Variants in AGBL4 observed in about 807,000 individuals in gnomAD.
AGBL4 encodes the protein AGBL carboxypeptidase 4, also known as cytosolic carboxypeptidase 6.
Under a neutral mutation model 66.4 loss-of-function variants are expected in AGBL4, and 58 were observed. That is an observed-to-expected ratio of 0.87 (90% confidence interval 0.71 to 1.09). AGBL4 has a LOEUF of 1.09. AGBL4 is among the 50% of genes least tolerant of loss of function. The pLI is 0.00. For synonymous variants in AGBL4, 234 were observed against 222.9 expected, an observed-to-expected ratio of 1.05 and a Z score of -0.44; for missense variants, 579 against 631.0, an observed-to-expected ratio of 0.92 and a Z score of 0.88.
chr1:48,842,755 G>A (rs1646833032), intron 6 of AGBL4, among the ~76,000 whole-genome samples: 1 of 152,064 alleles, frequency 6.6e-6, no homozygotes, highest in African/African-American at 2.4e-5. Context: ...ATAATCAAGG[G>A]TAGAAACAAC....
chr1:48,563,151 A>AT (rs2148301004), intron 11 of AGBL4, among the ~76,000 whole-genome samples: 1 of 152,340 alleles, frequency 6.6e-6, no homozygotes, highest in South Asian at 2.1e-4. Context: ...TGCCAAGTTC[A>AT]TTAATAATTT....
At chr1:49,192,628 T>C (rs570995015) in intron 4 of AGBL4, among the ~76,000 whole-genome samples, 1 of 152,350 alleles carries the variant, frequency 6.6e-6, no homozygotes, top group East Asian at 1.9e-4. Flanking sequence ...ACATGTTGGC[T>C]TGTATGTCTT....
At chr1:49,536,152 C>T (rs922389290) in intron 3 of AGBL4, among the ~76,000 whole-genome samples, 2 of 152,006 alleles carry the variant, frequency 1.3e-5, no homozygotes, top group African/African-American at 4.8e-5. Context: ...GTTCCTTAAG[C>T]TATAGGACAA....
At chr1:48,842,157 A>G (rs1177444602) in intron 6 of AGBL4, among the ~76,000 whole-genome samples, 1 of 152,080 alleles carries the variant, frequency 6.6e-6, no homozygotes, top group African/African-American at 2.4e-5. Context: ...CAAGGTTTCA[A>G]TTTCCTTGCT....
chr1:48,945,496 A>G lies in AGBL4; in HGVS notation c.595-78266T>C, dbSNP rs369899323. On this transcript the variant is annotated intron_variant, in intron 5 of 13. Transcript: ENST00000371839. ...CAGACCCCTTCATTAGACCTAAAGC[A>G]TGCTATGGAACTTCTTCGGGCCTTA... Among the ~76,000 whole-genome samples, 3 of 152,184 alleles carry G rather than the reference A, an allele frequency of 2.0e-5. No individual in the cohort carries two copies. In the East Asian group the frequency reaches 5.8e-4, roughly 29 times the overall value.
At chr1:49,732,701 G>A (rs1218536758) in intron 2 of AGBL4, among the ~76,000 whole-genome samples, 1 of 152,018 alleles carries the variant, frequency 6.6e-6, no homozygotes, top group Non-Finnish European at 1.5e-5. Context: ...ATACATGAAA[G>A]ACAGAAAATA....
intron 6 of AGBL4, among the ~76,000 whole-genome samples, chr1:48,822,601 T>C (rs1646340329): frequency 6.6e-6 from 1 of 152,112 alleles, no homozygotes; most frequent in African/African-American, 2.4e-5. Flanking sequence ...GTATATGTCT[T>C]TGTCAATACC....
intron 3 of AGBL4, among the ~76,000 whole-genome samples, chr1:49,511,356 CA>C (rs1243903418): frequency 1.3e-5 from 2 of 149,248 alleles, no homozygotes; most frequent in East Asian, 4.0e-4. Flanking sequence ...ATCGCAAGAA[CA>C]AAAAACCAAA....
chr1:49,157,931 A>AT (rs1052149417), intron 4 of AGBL4, among the ~76,000 whole-genome samples: 17 of 151,618 alleles, frequency 1.1e-4, no homozygotes, highest in Admixed American at 5.3e-4. Context: ...GGGATTGTTT[A>AT]TTTTTTTCTT....
At chr1:49,978,090 G>A (rs1168813127) in intron 1 of AGBL4, among the ~76,000 whole-genome samples, 1 of 152,084 alleles carries the variant, frequency 6.6e-6, no homozygotes, top group Non-Finnish European at 1.5e-5. Context: ...AGAATTTTAG[G>A]TTGAAAATAA....
At chr1:49,584,532 T>C (rs112523672) in intron 3 of AGBL4, among the ~76,000 whole-genome samples, 25 of 152,304 alleles carry the variant, frequency 1.6e-4, no homozygotes, top group Non-Finnish European at 2.9e-4. Flanking sequence ...CTCTAGACAA[T>C]GACCATAATT....
intron 4 of AGBL4, among the ~76,000 whole-genome samples, chr1:49,234,755 C>T (rs968953416): frequency 1.3e-5 from 2 of 152,150 alleles, no homozygotes; most frequent in African/African-American, 4.8e-5. Context: ...AAAGCCTTTA[C>T]TTCTACATCT....
At chr1:49,580,708 G>A (rs899872696) in intron 3 of AGBL4, among the ~76,000 whole-genome samples, 3 of 151,998 alleles carry the variant, frequency 2.0e-5, no homozygotes, top group Admixed American at 6.6e-5. Flanking sequence ...CTTTGAATAC[G>A]TCATCCCATT....
intron 3 of AGBL4, among the ~76,000 whole-genome samples, chr1:49,650,876 C>T (rs918889959): frequency 6.6e-6 from 1 of 152,156 alleles, no homozygotes; most frequent in Non-Finnish European, 1.5e-5. Context: ...GTAGCAGAGG[C>T]TTTCTCTGCT....
chr1:49,215,682 T>C (rs999826281), intron 4 of AGBL4, among the ~76,000 whole-genome samples: 1 of 152,056 alleles, frequency 6.6e-6, no homozygotes, highest in Admixed American at 6.6e-5. Flanking sequence ...TTTGCACAAG[T>C]CTGGACACAA....
intron 5 of AGBL4, among the ~76,000 whole-genome samples, chr1:48,992,598 C>G (rs541497210): frequency 7.1e-4 from 108 of 152,256 alleles, no homozygotes; most frequent in Admixed American, 1.3e-3. Context: ...CCTGGTTCCT[C>G]CCACAACCCT....
chr1:48,835,362 G>C (rs1215565030), intron 6 of AGBL4, among the ~76,000 whole-genome samples: 2 of 152,094 alleles, frequency 1.3e-5, no homozygotes, highest in Admixed American at 6.6e-5. Context: ...CATGAACTCT[G>C]TCCTCCTGGA....
chr1:49,009,692 G>C (rs1267787908), intron 5 of AGBL4, among the ~76,000 whole-genome samples: 9 of 149,684 alleles, frequency 6.0e-5, no homozygotes, highest in African/African-American at 2.0e-4. Flanking sequence ...GATCAAGTGG[G>C]CTTCATCCCT....
At chr1:49,947,480 C>A (rs1355017395) in intron 1 of AGBL4, among the ~76,000 whole-genome samples, 1 of 151,820 alleles carries the variant, frequency 6.6e-6, no homozygotes, top group Non-Finnish European at 1.5e-5. Context: ...AAGCATTTGA[C>A]AAAATCCAGC....
Sources: allele counts gnomAD v4.1 joint callset (sites outside exome capture counted in the v4.1 genomes callset), GRCh38; gene constraint gnomAD v4.1.1; transcripts MANE v1.5; gene names NCBI Gene and HGNC (gene_info 2026-07-23, HGNC 2026-07-21).